The following CORO2B variants were observed in gnomAD, a reference collection of about 807,000 sequenced individuals.
CORO2B encodes the protein coronin 2B, also known as coronin-2B.
Under a neutral mutation model 58.8 loss-of-function variants are expected in CORO2B, and 26 were observed. The observed-to-expected ratio is 0.44, with a 90% confidence interval of 0.32 to 0.61. CORO2B has a LOEUF of 0.61. Ranked by LOEUF, CORO2B falls within the 20% of genes least tolerant of loss-of-function variation. CORO2B has a pLI of 0.04. For missense variants in CORO2B, 460 were observed against 645.1 expected (o/e 0.71, Z 3.11); for synonymous variants, 242 against 253.8 (o/e 0.95, Z 0.44).
At chr15:68,695,103 TA>T in intron 2 of CORO2B, 36 bp from the exon 3 acceptor site, 1 of 1,559,168 alleles carries the variant, frequency 6.4e-7, no homozygotes, top group Non-Finnish European at 8.8e-7. Context: ...GCCATCAAAC[TA>T]ATCTCCTTCT....
chr15:68,578,652 GC>G (rs1899334590), upstream of CORO2B, among the ~76,000 whole-genome samples: 1 of 152,002 alleles, frequency 6.6e-6, no homozygotes, highest in African/African-American at 2.4e-5. This position sits in a 1 kb window ranked among gnomAD's most constrained non-coding sequence, Gnocchi z 4.2. Context: ...CAGCGCCTCG[GC>G]CGTCCAGCCT....
chr15:68,632,463 A>C, intron 1 of CORO2B: 1 of 977,680 alleles, frequency 1.0e-6, no homozygotes, highest in African/African-American at 1.7e-5. Flanking sequence ...CTCTCTCAAC[A>C]ATTCTGGCTC....
At chr15:68,658,974 C>T (rs1003314445) in intron 2 of CORO2B, among the ~76,000 whole-genome samples, 5 of 152,244 alleles carry the variant, frequency 3.3e-5, no homozygotes, top group South Asian at 2.1e-4. Flanking sequence ...GGATTGCCCT[C>T]GCCCACCAAT....
At chr15:68,638,599 G>T (rs1901110316) in intron 1 of CORO2B, among the ~76,000 whole-genome samples, 1 of 152,172 alleles carries the variant, frequency 6.6e-6, no homozygotes, top group Non-Finnish European at 1.5e-5. Context: ...ACTGGGGAGG[G>T]GTAAGAGTTG....
chr15:68,663,515 A>G (rs951332116), intron 2 of CORO2B, among the ~76,000 whole-genome samples: 1 of 152,228 alleles, frequency 6.6e-6, no homozygotes, highest in Non-Finnish European at 1.5e-5. Context: ...TCCTCCTGAC[A>G]TTGTAGTAGG....
chr15:68,634,479 T>A (rs1302705958), intron 1 of CORO2B, among the ~76,000 whole-genome samples: 1 of 152,162 alleles, frequency 6.6e-6, no homozygotes, highest in Non-Finnish European at 1.5e-5. Flanking sequence ...AGGAAAAATA[T>A]GAATTATATC....
chr15:68,552,717 T>C, the CORO2B span, among the ~76,000 whole-genome samples: 3 of 152,172 alleles, frequency 2.0e-5, no homozygotes, highest in African/African-American at 4.8e-5. Flanking sequence ...CTCCTCATCA[T>C]AGAATCGCAT....
chr15:68,544,770 A>G, the CORO2B span, among the ~76,000 whole-genome samples: 27 of 147,210 alleles, frequency 1.8e-4, no homozygotes, highest in Non-Finnish European at 2.7e-4. Flanking sequence ...CTTGTCATAC[A>G]CATTCTTTTT....
chr15:68,630,912 A>G (rs1357790257), intron 1 of CORO2B, among the ~76,000 whole-genome samples: 1 of 152,158 alleles, frequency 6.6e-6, no homozygotes, highest in African/African-American at 2.4e-5. Context: ...GTATGCCAAG[A>G]AAGAACTTTT....
intron 1 of CORO2B, among the ~76,000 whole-genome samples, chr15:68,588,764 A>T (rs1251410403): frequency 2.0e-5 from 3 of 152,222 alleles, no homozygotes; most frequent in Non-Finnish European, 4.4e-5. Context: ...AATCTGGTAG[A>T]ATCCAGGACG....
the CORO2B span, among the ~76,000 whole-genome samples, chr15:68,560,420 G>T: frequency 1.3e-5 from 2 of 151,978 alleles, no homozygotes; most frequent in Non-Finnish European, 2.9e-5. Flanking sequence ...CCAGTGTCTG[G>T]AGTAGCTGGG....
At chr15:68,617,218 G>A (rs927713871) in intron 1 of CORO2B, among the ~76,000 whole-genome samples, 1 of 152,204 alleles carries the variant, frequency 6.6e-6, no homozygotes, top group African/African-American at 2.4e-5. Flanking sequence ...TGGGGAGTGG[G>A]GGCTGGGGAT....
At chr15:68,611,028 G>C (rs893417177) in intron 1 of CORO2B, among the ~76,000 whole-genome samples, 2 of 152,182 alleles carry the variant, frequency 1.3e-5, no homozygotes. Context: ...AACATTTCAC[G>C]TACTGAACAA....
intron 1 of CORO2B, chr15:68,616,742 G>A: frequency 2.3e-6 from 1 of 427,536 alleles, no homozygotes; most frequent in Non-Finnish European, 3.1e-6. Context: ...CCTCTTGGGT[G>A]CACGTGGTCT....
intron 1 of CORO2B, among the ~76,000 whole-genome samples, chr15:68,624,930 C>T (rs368023348): frequency 3.3e-4 from 50 of 152,296 alleles, no homozygotes; most frequent in Middle Eastern, 3.4e-3. Context: ...ATACACCCAC[C>T]TTGGCCTCCC....
intron 1 of CORO2B, among the ~76,000 whole-genome samples, chr15:68,590,638 T>G (rs923793115): frequency 1.3e-5 from 2 of 152,128 alleles, no homozygotes; most frequent in Non-Finnish European, 2.9e-5. Flanking sequence ...ACTATAGAAT[T>G]CCCTTCCTTT....
rs1447366508 is a variant in CORO2B, at chr15:68,696,316, A to AGGCAGGT, written c.333+1063_333+1069dup. Among the ~76,000 whole-genome samples, 83 of 152,036 alleles carry AGGCAGGT rather than the reference A, an allele frequency of 5.5e-4. No homozygotes were observed. In the Middle Eastern group the frequency reaches 0.01, roughly 19 times the overall value. On this transcript the variant is annotated intron_variant, in intron 3 of 11. Coordinates refer to ENST00000261861, the MANE Select transcript of CORO2B (RefSeq NM_006091.5). ...GTAATCCCAGCACTTCGGGAGGCTG[A>AGGCAGGT]GGCAGGTGGATCATTTGAGGTCAGG...
In CORO2B at chr15:68,710,688, C is replaced by T. The variant is rs1444186126; in HGVS notation, c.334-44C>T. 2.0e-6 allele frequency: 3 copies of T among 1,522,864 alleles called. No homozygotes were observed. The Admixed American group carries it at 5.9e-5, about 30-fold the overall frequency. The allele number at this position is 1,522,864 out of a possible 1,614,324, so 94.3% of individuals were successfully genotyped here. A position where few individuals can be genotyped will look rare whatever the true frequency, so the allele number is the denominator to read the frequency against. On this transcript the variant is annotated intron_variant, in intron 3 of 11. Coordinates refer to ENST00000261861, the MANE Select transcript of CORO2B (RefSeq NM_006091.5). The surrounding 1 kb of genome is among the most constrained non-coding windows in gnomAD (Gnocchi z 4.1). ...AGGGGCACCTCTCATCAAGGGACTT[C>T]TTGGCCGTGTCCACCCAGCCTGGAC...
At chr15:68,581,968 A>G (rs1899438115) in intron 1 of CORO2B, among the ~76,000 whole-genome samples, 1 of 152,162 alleles carries the variant, frequency 6.6e-6, no homozygotes, top group African/African-American at 2.4e-5. Context: ...GGCCAGGGTT[A>G]GGTATGGACT....
Sources: allele counts gnomAD v4.1 joint callset (sites outside exome capture counted in the v4.1 genomes callset), GRCh38; gene constraint gnomAD v4.1.1; non-coding constraint Gnocchi (gnomAD v3.1); transcripts MANE v1.5; gene names NCBI Gene and HGNC (gene_info 2026-07-23, HGNC 2026-07-21).